Variants in FSTL4 observed in about 807,000 individuals in gnomAD.
FSTL4 encodes follistatin-related protein 4.
In FSTL4, 28 loss-of-function variants were observed where a neutral mutation model predicts 78.2. The ratio of observed to expected loss-of-function variants is 0.36; its 90% confidence interval spans 0.27 to 0.49. The LOEUF is 0.49. FSTL4 is among the 20% of genes least tolerant of loss of function. The probability of loss-of-function intolerance (pLI) is 0.98; values close to 1 mark genes in which losing one functional copy is unlikely to be tolerated. For missense variants in FSTL4, 922 were observed against 1,084.9 expected, an observed-to-expected ratio of 0.85 and a Z score of 2.11; for synonymous variants, 422 against 440.5, an observed-to-expected ratio of 0.96 and a Z score of 0.53.
At chr5:133,797,309 T>C in the FSTL4 span, among the ~76,000 whole-genome samples, 1 of 146,732 alleles carries the variant, frequency 6.8e-6, no homozygotes, top group Non-Finnish European at 1.5e-5. Flanking sequence ...TAACTTGTAG[T>C]TGGTTAAAGG....
chr5:133,796,567 C>T, the FSTL4 span, among the ~76,000 whole-genome samples: 4 of 152,154 alleles, frequency 2.6e-5, no homozygotes, highest in Admixed American at 2.6e-4. Flanking sequence ...TGGAGCATGA[C>T]TGTCCAGCAG....
chr5:133,395,503 C>G lies in FSTL4; in HGVS notation c.409+5235G>C, dbSNP rs113903949. Among the ~76,000 whole-genome samples, 214 of 152,324 alleles carry G rather than the reference C, an allele frequency of 1.4e-3. 2 individuals carry two copies. Among genetic ancestry groups the G allele is most frequent in the African/African-American group, 4.8e-3 (201 of 41,576 alleles). ...AACTTGTAACACTCACCGCGCGGGT[C>G]CGCGGCTTCATTCTCGAAGTCAGAG... On this transcript the variant is annotated intron_variant, in intron 4 of 15. Coordinates refer to ENST00000265342, the MANE Select transcript of FSTL4 (RefSeq NM_015082.2).
the FSTL4 span, among the ~76,000 whole-genome samples, chr5:133,835,733 A>G: frequency 6.6e-6 from 1 of 152,234 alleles, no homozygotes; most frequent in Non-Finnish European, 1.5e-5. Context: ...AATAAAAGGT[A>G]TCAGGACCCA....
chr5:133,542,774 A>G (rs1759502550), intron 3 of FSTL4, among the ~76,000 whole-genome samples: 1 of 152,090 alleles, frequency 6.6e-6, no homozygotes, highest in Non-Finnish European at 1.5e-5. Context: ...AGCTTTAATT[A>G]TTACATCTTC....
the FSTL4 span, among the ~76,000 whole-genome samples, chr5:133,639,467 C>T: frequency 6.6e-6 from 1 of 152,256 alleles, no homozygotes; most frequent in African/African-American, 2.4e-5. Context: ...TGGTGAGACA[C>T]AGGATTTCCC....
chr5:133,796,880 C>G, the FSTL4 span, among the ~76,000 whole-genome samples: 131,195 of 151,904 alleles, frequency 0.86, 56,778 homozygotes, highest in Middle Eastern at 0.94. Flanking sequence ...AAGTGTTTCC[C>G]CCTCCTGTCT....
chr5:133,252,251 CT>C (rs1752271787), intron 6 of FSTL4: 1 of 152,212 alleles, frequency 6.6e-6, no homozygotes, highest in Non-Finnish European at 1.5e-5. Context: ...CAGATTTTCC[CT>C]GCACGTCTGA....
the FSTL4 span, among the ~76,000 whole-genome samples, chr5:133,636,878 G>C: frequency 6.6e-6 from 1 of 152,166 alleles, no homozygotes; most frequent in Admixed American, 6.5e-5. Flanking sequence ...GTGCTTAACA[G>C]CCCAATGAGG....
At chr5:133,546,388 C>T (rs1343123281) in intron 3 of FSTL4, among the ~76,000 whole-genome samples, 1 of 151,790 alleles carries the variant, frequency 6.6e-6, no homozygotes, top group Admixed American at 6.6e-5. Flanking sequence ...TGCCTGTAAT[C>T]CCAGCTACTT....
intron 8 of FSTL4, among the ~76,000 whole-genome samples, chr5:133,226,759 C>T (rs947626075): frequency 3.3e-5 from 5 of 152,218 alleles, no homozygotes; most frequent in Non-Finnish European, 5.9e-5. Context: ...CTAGAGTTAT[C>T]TGGAACTCCC....
At position 133,310,655 on chromosome 5, in the gene FSTL4, G is replaced by A. The variant is rs1217270259; in HGVS notation, c.727+1999C>T. On this transcript the variant is annotated intron_variant, in intron 6 of 15. Coordinates refer to ENST00000265342, the MANE Select transcript of FSTL4 (RefSeq NM_015082.2). Reference sequence around the variant, plus strand: ...TTGATGACGGCATCTGGGACATTAAGTAATGATGCCTGGTATGCCCCACAA... The same window carrying A: ...TTGATGACGGCATCTGGGACATTAAATAATGATGCCTGGTATGCCCCACAA... Among the ~76,000 whole-genome samples the A allele has an allele frequency of 2.6e-5, 4 of 152,230 alleles. No individual in the cohort carries two copies. In the East Asian group the frequency reaches 7.7e-4, roughly 29 times the overall value.
At chr5:133,202,119 TGGA>T in intron 14 of FSTL4, 77 bp from the exon 15 acceptor site, 9 of 884,510 alleles carry the variant, frequency 1.0e-5, no homozygotes, top group Non-Finnish European at 1.6e-5. Context: ...TACGCTCAGG[TGGA>T]GTCACCCCGG....
the FSTL4 span, among the ~76,000 whole-genome samples, chr5:133,722,960 A>G: frequency 2.6e-4 from 40 of 152,338 alleles, no homozygotes; most frequent in East Asian, 3.1e-3. Context: ...CAAAGGCGTT[A>G]GTGATCCTCC....
intron 3 of FSTL4, among the ~76,000 whole-genome samples, chr5:133,422,156 G>A (rs931860850): frequency 6.6e-6 from 1 of 152,136 alleles, no homozygotes; most frequent in Non-Finnish European, 1.5e-5. Flanking sequence ...AGAAGGACGT[G>A]GGCAAAGATG....
At chr5:133,365,002 A>G (rs562254133) in intron 4 of FSTL4, among the ~76,000 whole-genome samples, 43 of 152,158 alleles carry the variant, frequency 2.8e-4, no homozygotes, top group Non-Finnish European at 5.3e-4. Context: ...GCTGCCTCAC[A>G]GATGAAGACA....
chr5:133,634,029 G>T, the FSTL4 span, among the ~76,000 whole-genome samples: 1 of 152,248 alleles, frequency 6.6e-6, no homozygotes, highest in Admixed American at 6.5e-5. Context: ...GAGTGGCCTT[G>T]TTACCAAGGG....
intron 6 of FSTL4, among the ~76,000 whole-genome samples, chr5:133,253,194 C>T (rs899348926): frequency 1.3e-5 from 2 of 152,230 alleles, no homozygotes; most frequent in Non-Finnish European, 2.9e-5. Flanking sequence ...CAAGCCTCCC[C>T]CTGGCGGGTC....
rs565719560 is a variant in FSTL4 at position 133,338,785 on chromosome 5, G to A, written c.410-22133C>T. On this transcript the variant is annotated intron_variant, in intron 4 of 15. Coordinates refer to ENST00000265342, the MANE Select transcript of FSTL4 (RefSeq NM_015082.2). The surrounding 1 kb of genome is among the most constrained non-coding windows in gnomAD (Gnocchi z 4.0). The stretch of plus-strand genomic sequence containing the variant: ...ACCCAAGCCCCCTGCTTCCCAAATC[G>A]CACACCTGGCACTACCTCACCATCT... Among the ~76,000 whole-genome samples the A allele has an allele frequency of 2.0e-5, 3 of 151,786 alleles. No individual in the cohort carries two copies. The highest frequency in any genetic ancestry group is 1.9e-4 in the East Asian group (1 of 5,154).
At chr5:133,267,191 G>C (rs778395965) in intron 6 of FSTL4, among the ~76,000 whole-genome samples, 2 of 152,204 alleles carry the variant, frequency 1.3e-5, no homozygotes, top group African/African-American at 2.4e-5. Context: ...TGGGGTCTGG[G>C]AGGAGGAGGT....
Sources: allele counts gnomAD v4.1 joint callset (sites outside exome capture counted in the v4.1 genomes callset), GRCh38; gene constraint gnomAD v4.1.1; non-coding constraint Gnocchi (gnomAD v3.1); transcripts MANE v1.5; gene names NCBI Gene and HGNC (gene_info 2026-07-23, HGNC 2026-07-21).